PDIA4: variants seen among roughly 807,000 people sequenced by gnomAD.
The protein encoded by PDIA4 is protein disulfide isomerase family A member 4.
PDIA4 carries 33 observed loss-of-function variants against 62.1 expected under a neutral mutation model. The observed-to-expected ratio is 0.53, with a 90% confidence interval of 0.40 to 0.71. PDIA4 has a LOEUF of 0.71. Among genes scored for constraint, PDIA4 ranks in the 30% least tolerant of loss-of-function variants. The pLI, the probability that PDIA4 is intolerant of heterozygous loss-of-function variation, is 0.00. For missense variants in PDIA4, 804 were observed against 813.6 expected, an observed-to-expected ratio of 0.99 and a Z score of 0.14; for synonymous variants, 341 against 324.1, an observed-to-expected ratio of 1.05 and a Z score of -0.56.
At position 149,021,104 on chromosome 7, in the gene PDIA4, C is replaced by T. The variant is rs944376147; in HGVS notation, c.132G>A (p.Glu44=). The change falls in exon 2 of 10, where the codon GAG becomes GAA. Residue 44 remains glutamate, a synonymous_variant. Transcript: ENST00000652332. ...RENAIEDEEE[E]EEEDDDEEED... is the part of the protein sequence containing the mutation. The stretch of plus-strand genomic sequence containing the variant: ...CTTCCTCATCATCATCTTCCTCCTC[C>T]TCCTCCTCTTCATCCTCAATGGCAT... 23 of 1,609,674 alleles carry T rather than the reference C, an allele frequency of 1.4e-5. No homozygotes were observed. Among genetic ancestry groups the T allele is most frequent in the Non-Finnish European group, 1.5e-5 (18 of 1,177,260 alleles).
chr7:149,013,207 C>T (rs1824014375), intron 4 of PDIA4, among the ~76,000 whole-genome samples: 2 of 152,092 alleles, frequency 1.3e-5, no homozygotes, highest in African/African-American at 4.8e-5. Context: ...AAGATCGCAC[C>T]ACTGCACTCC....
At chr7:149,020,851 G>C (rs946938896) in intron 2 of PDIA4, 116 bp downstream of exon 2, 1 of 1,455,270 alleles carries the variant, frequency 6.9e-7, no homozygotes, top group Non-Finnish European at 9.1e-7. Flanking sequence ...TAGAGTGCAA[G>C]TTCCTGCACC....
At position 149,021,123 on chromosome 7, in the gene PDIA4, A is replaced by C; in HGVS notation, c.113T>G (p.Ile38Ser). 1 of 1,600,162 alleles carries C rather than the reference A, an allele frequency of 6.2e-7. No individual in the cohort carries two copies. ...DEDSSNRENA[I>S]EDEEEEEEED... The stretch of plus-strand genomic sequence containing the variant: ...CTCCTCCTCCTCCTCTTCATCCTCA[A>C]TGGCATTTTCTCTGTTAGAAGAATC... Residue 38 changes from isoleucine to serine, a missense_variant, in exon 2 of 10, where the codon ATT becomes AGT. Transcript: ENST00000652332.
At chr7:149,005,852 TC>T (rs773785405) in intron 8 of PDIA4, 44 bp downstream of exon 8, 7 of 1,420,514 alleles carry the variant, frequency 4.9e-6, no homozygotes, top group Middle Eastern at 3.7e-4. Context: ...AAAGAACGAG[TC>T]CCCCCACCCC....
intron 2 of PDIA4, 129 bp from the exon 3 acceptor site, chr7:149,019,326 T>G: frequency 1.4e-6 from 1 of 702,650 alleles, no homozygotes. Flanking sequence ...TGATCCCCAG[T>G]GTGGCAGTGT....
At chr7:149,023,727 C>T (rs1214477683) in intron 1 of PDIA4, among the ~76,000 whole-genome samples, 1 of 152,136 alleles carries the variant, frequency 6.6e-6, no homozygotes, top group African/African-American at 2.4e-5. Flanking sequence ...CGGTGCACAG[C>T]ATAAGACTGA....
chr7:149,013,439 A>G (rs1346797083), intron 4 of PDIA4, among the ~76,000 whole-genome samples: 1 of 152,012 alleles, frequency 6.6e-6, no homozygotes, highest in African/African-American at 2.4e-5. Flanking sequence ...TGCTTCCAGA[A>G]GCTGAGGCGG....
At chr7:149,007,611 C>T (rs1030310333) in intron 7 of PDIA4, among the ~76,000 whole-genome samples, 1 of 152,268 alleles carries the variant, frequency 6.6e-6, no homozygotes, top group African/African-American at 2.4e-5. Flanking sequence ...GGGCTGGGAA[C>T]TCCCACTGCC....
chr7:149,003,866 T>C lies in PDIA4; in HGVS notation c.1866A>G (p.Arg622=), dbSNP rs113435255. 85 of 1,610,806 alleles carry C rather than the reference T, an allele frequency of 5.3e-5. No individual in the cohort carries two copies. Among genetic ancestry groups the C allele is most frequent in the Non-Finnish European group, 6.6e-5 (78 of 1,178,960 alleles). ...KNPVKFEGGD[R]DLEHLSKFIE... is the part of the protein sequence containing the mutation. The stretch of plus-strand genomic sequence containing the variant: ...TAAACTTGCTCAAATGCTCCAGATC[T>C]CTGTCTCCACCCTCAAATTTAACTG... The change falls in exon 10 of 10, where the codon AGA becomes AGG. Residue 622 remains arginine (R), a synonymous_variant. Transcript: ENST00000652332.
chr7:149,014,910 G>A lies in PDIA4; in HGVS notation c.608C>T (p.Ala203Val). 2 of 1,614,002 alleles carry A rather than the reference G, an allele frequency of 1.2e-6. No individual in the cohort carries two copies. The highest frequency in any genetic ancestry group is 1.7e-6 in the Non-Finnish European group (2 of 1,179,890). The change falls in exon 4 of 10, where the codon GCC (alanine) becomes GTC (valine). Residue 203 changes from alanine (A) to valine (V), a missense_variant. Transcript: ENST00000652332. ...GGGCCTGACACCACCTTACCATGGG[G>A]CATAAAACTCCACCAGAATGATATC... Reference protein sequence around the residue: ...DADIILVEFYAPWCGHCKKLA... With the variant: ...DADIILVEFYVPWCGHCKKLA...
chr7:149,012,088 C>T, intron 5 of PDIA4, 67 bp downstream of exon 5: 3 of 1,608,562 alleles, frequency 1.9e-6, no homozygotes, highest in Non-Finnish European at 2.6e-6. Context: ...CCAGCACCTT[C>T]AATGGCAGCT....
intron 4 of PDIA4, among the ~76,000 whole-genome samples, chr7:149,014,150 C>G (rs1824046489): frequency 6.6e-6 from 1 of 152,218 alleles, no homozygotes; most frequent in Non-Finnish European, 1.5e-5. Context: ...TTGGGCTTAT[C>G]CAGGCATTGC....
rs775923613 is a variant in PDIA4, at chr7:149,003,870, T to A, written c.1862A>T (p.Asp621Val). Residue 621 changes from aspartate to valine, a missense_variant, in exon 10 of 10, where the codon GAC becomes GTC. By Grantham distance (152) the Asp-to-Val change is radical. Transcript: ENST00000652332. The stretch of plus-strand genomic sequence containing the variant: ...CTTGCTCAAATGCTCCAGATCTCTG[T>A]CTCCACCCTCAAATTTAACTGGGTT... ...KKNPVKFEGGDRDLEHLSKFI... is the reference protein window; with the variant it reads ...KKNPVKFEGGVRDLEHLSKFI... 3 of 1,612,370 alleles carry A rather than the reference T, an allele frequency of 1.9e-6. No individual in the cohort carries two copies. Among genetic ancestry groups the A allele is most frequent in the East Asian group, 4.5e-5 (2 of 44,866 alleles).
At chr7:149,010,542 G>T (rs1823909166) in intron 6 of PDIA4, among the ~76,000 whole-genome samples, 1 of 152,142 alleles carries the variant, frequency 6.6e-6, no homozygotes, top group Non-Finnish European at 1.5e-5. Flanking sequence ...CCTGTTTTAA[G>T]CCTCCAGGTG....
intron 1 of PDIA4, among the ~76,000 whole-genome samples, chr7:149,023,456 C>T (rs1388968897): frequency 1.3e-5 from 2 of 152,004 alleles, no homozygotes; most frequent in African/African-American, 2.4e-5. Context: ...CAAAAGTAAT[C>T]GAGATTTTTG....
In PDIA4 at chr7:149,019,167, T is replaced by C; in HGVS notation, c.300A>G (p.Glu100=). The C allele has an allele frequency of 6.2e-7, 1 of 1,613,924 alleles. No homozygotes were observed. Among genetic ancestry groups the C allele is most frequent in the Non-Finnish European group, 8.5e-7 (1 of 1,179,874 alleles). Residue 100 remains glutamate, a synonymous_variant, in exon 3 of 10, where the codon GAA becomes GAG. Transcript: ENST00000652332. ...WCGHCKQFAP[E]YEKIANILKD... ...TTAATATGTTGGCAATTTTTTCATA[T>C]TCCGGAGCAAACTGCTTGCAATGTC...
intron 4 of PDIA4, among the ~76,000 whole-genome samples, chr7:149,012,568 C>T (rs553361703): frequency 2.6e-5 from 4 of 152,186 alleles, no homozygotes; most frequent in Non-Finnish European, 5.9e-5. Flanking sequence ...AGCATTCACA[C>T]ACTGGGGGTG....
In PDIA4 at chr7:149,006,051, G is replaced by T; in HGVS notation, c.1134C>A (p.Gly378=). The T allele has an allele frequency of 6.4e-7, 1 of 1,556,082 alleles. No individual in the cohort carries two copies. Among genetic ancestry groups the T allele is most frequent in the Admixed American group, 2.1e-5 (1 of 46,962 alleles). ...EPRSHMMDVQ[G]STQDSAIKDF... ...CCTTGATGGCCGAGTCCTGGGTGGAGCCCTGCTTCAAAGAGGGAACAGGTG... is the reference window on the plus strand; with the variant it reads ...CCTTGATGGCCGAGTCCTGGGTGGATCCCTGCTTCAAAGAGGGAACAGGTG... The change falls in exon 8 of 10, where the codon GGC becomes GGA. Residue 378 remains glycine (G), a splice_region_variant and synonymous_variant. Coordinates refer to ENST00000652332, the MANE Select transcript of PDIA4 (RefSeq NM_004911.5).
At chr7:149,026,424 G>C (rs1824558393) in intron 1 of PDIA4, among the ~76,000 whole-genome samples, 1 of 152,282 alleles carries the variant, frequency 6.6e-6, no homozygotes, top group Admixed American at 6.5e-5. Context: ...GCCAAGTCAG[G>C]CGGATCACGG....
Sources: allele counts gnomAD v4.1 joint callset (sites outside exome capture counted in the v4.1 genomes callset), GRCh38; gene constraint gnomAD v4.1.1; transcripts MANE v1.5; gene names NCBI Gene and HGNC (gene_info 2026-07-23, HGNC 2026-07-21).